Variants in COLEC12 observed in about 807,000 individuals in gnomAD.
COLEC12 encodes the protein collectin-12.
Under a neutral mutation model 71.1 loss-of-function variants are expected in COLEC12, and 33 were observed. The ratio of observed to expected loss-of-function variants is 0.46; its 90% CI spans 0.35 to 0.62. The LOEUF is 0.62. Among genes scored for constraint, COLEC12 ranks in the 20% least tolerant of loss-of-function variants. The pLI is 0.00. For missense variants in COLEC12, 765 were observed against 916.1 expected (o/e 0.84, Z 2.13); for synonymous variants, 350 against 353.0 (o/e 0.99, Z 0.10).
intron 2 of COLEC12, among the ~76,000 whole-genome samples, chr18:368,584 G>A (rs1914907150): frequency 6.6e-6 from 1 of 151,088 alleles, no homozygotes; most frequent in African/African-American, 2.4e-5. Context: ...ACAAAACAAG[G>A]CCGGGCGCGG....
At chr18:439,114 G>C (rs1916462538) in intron 2 of COLEC12, among the ~76,000 whole-genome samples, 1 of 152,146 alleles carries the variant, frequency 6.6e-6, no homozygotes, top group African/African-American at 2.4e-5. Flanking sequence ...AGGTAGATGA[G>C]GCAAGTTTCC....
rs1915753869 is a variant in COLEC12 at position 404,789 on chromosome 18, C to A, written c.59-47267G>T. ...TGATTGTAAAACACGTATGTTTGAA[C>A]AATATGAAATCAGTGCACCTTGAAA... is the stretch of plus-strand genomic sequence containing the variant. On this transcript the variant is annotated intron_variant, in intron 2 of 9. Coordinates refer to ENST00000400256, the MANE Select transcript of COLEC12 (RefSeq NM_130386.3). 2.6e-5 allele frequency among the ~76,000 whole-genome samples: 4 copies of A among 152,040 alleles called. No homozygotes were observed. In the South Asian group the frequency reaches 8.3e-4, roughly 32 times the overall value.
At chr18:330,279 G>A (rs1913942108) in intron 8 of COLEC12, among the ~76,000 whole-genome samples, 2 of 152,170 alleles carry the variant, frequency 1.3e-5, no homozygotes, top group African/African-American at 4.8e-5. Flanking sequence ...CTGCTCAGCT[G>A]ATACAGGGCT....
At chr18:372,418 T>G (rs559294153) in intron 2 of COLEC12, among the ~76,000 whole-genome samples, 4 of 151,824 alleles carry the variant, frequency 2.6e-5, no homozygotes, top group African/African-American at 9.7e-5. Context: ...AAGAGTGTTT[T>G]TTGTTTGTTT....
chr18:346,831 C>A lies in COLEC12; in HGVS notation c.791G>T (p.Ser264Ile), dbSNP rs1914387624. The change falls in exon 5 of 10, where the codon AGC (serine) becomes ATC (isoleucine). Residue 264 changes from serine (S) to isoleucine (I), a missense_variant. Coordinates refer to ENST00000400256, the MANE Select transcript of COLEC12 (RefSeq NM_130386.3). This position sits in a 1 kb window ranked among gnomAD's most constrained non-coding sequence, Gnocchi z 4.0. ...DTDWLKEKVQSLQTLAANNSA... is the reference protein window; with the variant it reads ...DTDWLKEKVQILQTLAANNSA... ...GTTGTTGGCAGCCAGCGTCTGCAAG[C>A]TCTGCACTTTCTCCTTCAGCCAATC... is the stretch of plus-strand genomic sequence containing the variant. The A allele has an allele frequency of 6.2e-7, 1 of 1,614,194 alleles. No homozygotes were observed. Among genetic ancestry groups the A allele is most frequent in the African/African-American group, 1.3e-5 (1 of 75,048 alleles).
chr18:325,679 C>T (rs532749081), intron 8 of COLEC12, among the ~76,000 whole-genome samples: 138 of 72,246 alleles, frequency 1.9e-3, no homozygotes, highest in South Asian at 5.2e-3. Flanking sequence ...TGTTCTGTCT[C>T]GGAAAAAAGA....
intron 2 of COLEC12, among the ~76,000 whole-genome samples, chr18:448,333 A>G (rs1002533448): frequency 6.6e-6 from 1 of 152,234 alleles, no homozygotes; most frequent in African/African-American, 2.4e-5. Context: ...GTGCTGGCAG[A>G]ACACCACTGT....
chr18:320,901 T>G (rs1913687258), intron 9 of COLEC12, among the ~76,000 whole-genome samples: 1 of 152,154 alleles, frequency 6.6e-6, no homozygotes. Flanking sequence ...CTTTGGCTTA[T>G]GAGCTGATAA....
In COLEC12 at chr18:317,847, A is replaced by AG. The variant is rs1913581556; in HGVS notation, c.*2197dup. On this transcript the variant is annotated 3_prime_UTR_variant, in exon 10 of 10. Coordinates refer to ENST00000400256, the MANE Select transcript of COLEC12 (RefSeq NM_130386.3). ...CTGTGGGTCCCACCTGCCTGACAGCAGGGCACACAGGTGCTGAGCAGTTGG... is the reference window on the plus strand; with the variant it reads ...CTGTGGGTCCCACCTGCCTGACAGCAGGGGCACACAGGTGCTGAGCAGTTGG... 1 of 152,322 alleles carries AG rather than the reference A, an allele frequency of 6.6e-6. No individual in the cohort carries two copies. Among genetic ancestry groups the AG allele is most frequent in the Non-Finnish European group, 1.5e-5 (1 of 68,104 alleles). The allele number at this position is 152,322 out of a possible 1,614,324, so 9.4% of individuals were successfully genotyped here. A position where few individuals can be genotyped will look rare whatever the true frequency, so the allele number is the denominator to read the frequency against.
chr18:335,637 C>T (rs897369612), intron 5 of COLEC12, among the ~76,000 whole-genome samples: 1 of 152,160 alleles, frequency 6.6e-6, no homozygotes, highest in Admixed American at 6.5e-5. Flanking sequence ...AGGAGGGAGG[C>T]CTCGGAGGAA....
intron 8 of COLEC12, among the ~76,000 whole-genome samples, chr18:329,708 G>A (rs576579919): frequency 6.6e-6 from 1 of 152,234 alleles, no homozygotes; most frequent in African/African-American, 2.4e-5. Context: ...AGGGCAGTCT[G>A]AGGCTCACCT....
At chr18:398,505 G>A (rs949639240) in intron 2 of COLEC12, among the ~76,000 whole-genome samples, 19 of 152,144 alleles carry the variant, frequency 1.2e-4, no homozygotes, top group Admixed American at 1.1e-3. Context: ...GAAAACAATC[G>A]GCTCTTTTGA....
chr18:472,225 C>G (rs1260922382), intron 2 of COLEC12, among the ~76,000 whole-genome samples: 5 of 152,186 alleles, frequency 3.3e-5, no homozygotes, highest in African/African-American at 1.2e-4. Flanking sequence ...GGAAACTGAA[C>G]CCAGGCAGTC....
chr18:441,110 T>C lies in COLEC12; in HGVS notation c.58+39597A>G, dbSNP rs558459798. On this transcript the variant is annotated intron_variant, in intron 2 of 9. Coordinates refer to ENST00000400256, the MANE Select transcript of COLEC12 (RefSeq NM_130386.3). ...AAAAATACAAAAAATTGGCCAGGCG[T>C]GGTGGCGGGCGCCTGTAGTCCCAGC... Among the ~76,000 whole-genome samples, 16 of 17,192 alleles carry C rather than the reference T, an allele frequency of 9.3e-4. 2 individuals are homozygous for C. Among genetic ancestry groups the C allele is most frequent in the East Asian group, 0.012 (2 of 172 alleles). 11.3% of individuals were successfully genotyped at this position (17,192 alleles called of 152,430 possible). A position where few individuals can be genotyped will look rare whatever the true frequency, so the allele number is the denominator to read the frequency against.
At chr18:430,705 A>T (rs1428409388) in intron 2 of COLEC12, among the ~76,000 whole-genome samples, 1 of 152,210 alleles carries the variant, frequency 6.6e-6, no homozygotes, top group Non-Finnish European at 1.5e-5. Flanking sequence ...CAATCATCAT[A>T]CAGACATCCA....
chr18:326,144 A>G (rs1913836994), intron 8 of COLEC12, among the ~76,000 whole-genome samples: 1 of 152,166 alleles, frequency 6.6e-6, no homozygotes, highest in Non-Finnish European at 1.5e-5. Flanking sequence ...TCTAAATACT[A>G]TTTTAGCTGC....
chr18:332,969 A>G, intron 7 of COLEC12, 38 bp downstream of exon 7: 1 of 1,520,192 alleles, frequency 6.6e-7, no homozygotes, highest in Non-Finnish European at 8.8e-7. Flanking sequence ...CTATCCTTAA[A>G]TTATAGTTTT....
intron 2 of COLEC12, among the ~76,000 whole-genome samples, chr18:409,738 G>GT (rs1915857688): frequency 6.6e-6 from 1 of 152,134 alleles, no homozygotes; most frequent in African/African-American, 2.4e-5. Flanking sequence ...ATTACCCACT[G>GT]TAAGTATAGA....
At chr18:384,227 T>A (rs1380209485) in intron 2 of COLEC12, among the ~76,000 whole-genome samples, 2 of 152,046 alleles carry the variant, frequency 1.3e-5, no homozygotes, top group Admixed American at 6.6e-5. Context: ...TGCTTGTGGG[T>A]CCCAGGCATG....
Sources: gnomAD v4.1 joint callset for allele counts (sites outside exome capture counted in the v4.1 genomes callset) on GRCh38, gnomAD v4.1.1 for gene constraint, Gnocchi (gnomAD v3.1) non-coding constraint, MANE v1.5 for transcripts, NCBI Gene and HGNC (gene_info 2026-07-23, HGNC 2026-07-21) for gene names.